The following MACROD2 variants were observed in gnomAD, a reference collection of about 807,000 sequenced individuals.
The protein encoded by MACROD2 is ADP-ribose glycohydrolase MACROD2.
A neutral mutation model predicts 70.4 loss-of-function variants in MACROD2; 36 were observed. That is an observed-to-expected ratio of 0.51 (90% confidence interval 0.39 to 0.68). The LOEUF (loss-of-function observed/expected upper bound fraction) is 0.68. Ranked by LOEUF, MACROD2 falls within the 30% of genes least tolerant of loss-of-function variation. MACROD2 has a pLI of 0.00. For missense variants in MACROD2, 496 were observed against 538.4 expected, an observed-to-expected ratio of 0.92 and a Z score of 0.78; for synonymous variants, 172 against 178.8, an observed-to-expected ratio of 0.96 and a Z score of 0.30.
intron 5 of MACROD2, among the ~76,000 whole-genome samples, chr20:15,056,057 G>A (rs534589610): frequency 6.6e-4 from 100 of 152,212 alleles, no homozygotes; most frequent in African/African-American, 2.3e-3. Flanking sequence ...AAAGTGCTGG[G>A]ATTACAGGCG....
At chr20:15,238,888 A>G (rs1485472264) in intron 6 of MACROD2, among the ~76,000 whole-genome samples, 1 of 152,216 alleles carries the variant, frequency 6.6e-6, no homozygotes, top group Non-Finnish European at 1.5e-5. Context: ...TCCAGAGGAA[A>G]TACTGGCCTA....
intron 4 of MACROD2, among the ~76,000 whole-genome samples, chr20:14,666,178 A>G (rs561341143): frequency 6.6e-6 from 1 of 152,234 alleles, no homozygotes; most frequent in East Asian, 1.9e-4. Context: ...TTGATGAAGC[A>G]ATGATATCCC....
chr20:15,192,272 C>T (rs1455770333), intron 5 of MACROD2, among the ~76,000 whole-genome samples: 2 of 152,138 alleles, frequency 1.3e-5, no homozygotes, highest in African/African-American at 4.8e-5. Flanking sequence ...GTTGGCTTTC[C>T]AACACTGCCA....
chr20:14,061,452 G>T (rs932577617), intron 2 of MACROD2, among the ~76,000 whole-genome samples: 5 of 152,102 alleles, frequency 3.3e-5, no homozygotes, highest in Admixed American at 1.3e-4. Context: ...CAGGTTGGTG[G>T]TTGTGCATAT....
At chr20:15,164,156 C>T (rs1001677671) in intron 5 of MACROD2, among the ~76,000 whole-genome samples, 3 of 151,954 alleles carry the variant, frequency 2.0e-5, no homozygotes, top group African/African-American at 7.3e-5. Flanking sequence ...TGGATTTAAT[C>T]AACTGTGGAT....
intron 10 of MACROD2, chr20:15,894,054 G>A (rs573346994): frequency 1.5e-4 from 60 of 405,666 alleles, no homozygotes; most frequent in Admixed American, 4.5e-4. Flanking sequence ...GAAAGTGGCC[G>A]GCCTCAGCAG....
At chr20:14,873,927 T>G (rs1232567869) in intron 5 of MACROD2, among the ~76,000 whole-genome samples, 2 of 152,042 alleles carry the variant, frequency 1.3e-5, no homozygotes, top group African/African-American at 4.8e-5. Flanking sequence ...TATTAAACAT[T>G]GATTGATGTT....
At chr20:14,311,945 T>C (rs1191527252) in intron 3 of MACROD2, among the ~76,000 whole-genome samples, 2 of 152,260 alleles carry the variant, frequency 1.3e-5, no homozygotes, top group East Asian at 3.8e-4. Flanking sequence ...TGAATTATAC[T>C]ATAAAATATG....
At chr20:15,415,916 A>G (rs1347597216) in intron 6 of MACROD2, among the ~76,000 whole-genome samples, 3 of 152,206 alleles carry the variant, frequency 2.0e-5, no homozygotes, top group South Asian at 4.1e-4. Flanking sequence ...CACATTTTGC[A>G]AAACCAAATC....
In MACROD2 at chr20:16,049,265, C is replaced by T. The variant is rs188324875; in HGVS notation, c.1301-565C>T. 2.2e-3 allele frequency among the ~76,000 whole-genome samples: 333 copies of T among 151,744 alleles called. 1 individual carries two copies. The highest frequency in any genetic ancestry group is 7.6e-3 in the African/African-American group (313 of 41,354). On this transcript the variant is annotated intron_variant, in intron 17 of 17. Coordinates refer to ENST00000684519, the MANE Select transcript of MACROD2 (RefSeq NM_001351661.2). Reference sequence around the variant, plus strand: ...ACAGATTGAAATGTATGCTTAAGATCTGTGTGTTTTCCTGTAGGCAGATTA... The same window carrying T: ...ACAGATTGAAATGTATGCTTAAGATTTGTGTGTTTTCCTGTAGGCAGATTA...
chr20:15,645,006 G>A (rs1007363002), intron 8 of MACROD2, among the ~76,000 whole-genome samples: 1 of 152,114 alleles, frequency 6.6e-6, no homozygotes, highest in East Asian at 1.9e-4. Context: ...TTTTTTTCAA[G>A]TAAATCCAGA....
intron 5 of MACROD2, among the ~76,000 whole-genome samples, chr20:15,008,644 G>A (rs1207735942): frequency 2.0e-5 from 3 of 152,096 alleles, no homozygotes; most frequent in African/African-American, 7.2e-5. Context: ...GCGCTGAGAA[G>A]GACTGTTCCC....
intron 6 of MACROD2, among the ~76,000 whole-genome samples, chr20:15,366,976 G>C (rs1042529029): frequency 6.6e-6 from 1 of 151,022 alleles, no homozygotes; most frequent in South Asian, 2.1e-4. Context: ...TCTATTAACA[G>C]TTTCCTTGTT....
intron 7 of MACROD2, among the ~76,000 whole-genome samples, chr20:15,460,434 G>C (rs969641581): frequency 1.3e-5 from 2 of 152,144 alleles, no homozygotes; most frequent in African/African-American, 4.8e-5. Flanking sequence ...TTTCCACAGA[G>C]GTCTTGGTCC....
chr20:15,141,825 G>T (rs1367175498), intron 5 of MACROD2, among the ~76,000 whole-genome samples: 1 of 151,994 alleles, frequency 6.6e-6, no homozygotes, highest in Non-Finnish European at 1.5e-5. Context: ...ATGCCTCATA[G>T]CATGGCATTC....
At position 14,437,648 on chromosome 20, in the gene MACROD2, C is replaced by T. The variant is rs143712357; in HGVS notation, c.272-55831C>T. Among the ~76,000 whole-genome samples, 585 of 152,136 alleles carry T rather than the reference C, an allele frequency of 3.8e-3. 3 individuals carry two copies. Among genetic ancestry groups the T allele is most frequent in the South Asian group, 0.013 (62 of 4,822 alleles). ...TTGTTATATGAATCTCTTCTCTCTT[C>T]GTCAATTTGTTAATTCTGTCTTCAC... On this transcript the variant is annotated intron_variant, in intron 3 of 17. Transcript: ENST00000684519.
chr20:15,442,205 C>T (rs1762911890), intron 7 of MACROD2, among the ~76,000 whole-genome samples: 1 of 152,130 alleles, frequency 6.6e-6, no homozygotes, highest in Admixed American at 6.6e-5. Context: ...GTGTTTAGCT[C>T]CTTAGGACAA....
At chr20:15,480,069 G>A (rs925339430) in intron 7 of MACROD2, among the ~76,000 whole-genome samples, 7 of 152,292 alleles carry the variant, frequency 4.6e-5, no homozygotes, top group African/African-American at 1.7e-4. Context: ...TTAAGCCACA[G>A]TAGATCCAGA....
intron 3 of MACROD2, among the ~76,000 whole-genome samples, chr20:14,123,368 T>C (rs1688416428): frequency 6.6e-6 from 1 of 152,184 alleles, no homozygotes; most frequent in Admixed American, 6.5e-5. Flanking sequence ...CTATGTGGCA[T>C]TGGTCATACT....
Sources: gnomAD v4.1 joint callset for allele counts (sites outside exome capture counted in the v4.1 genomes callset) on GRCh38, gnomAD v4.1.1 for gene constraint, MANE v1.5 for transcripts, NCBI Gene and HGNC (gene_info 2026-07-23, HGNC 2026-07-21) for gene names.